The following PKIA variants were observed in gnomAD, a reference collection of about 807,000 sequenced individuals.
PKIA encodes PKI-alpha.
PKIA carries 4 observed loss-of-function variants against 7.6 expected under a neutral mutation model. That is an observed-to-expected ratio of 0.52 (90% confidence interval 0.26 to 1.20). PKIA has a LOEUF of 1.20. Among genes scored for constraint, PKIA ranks in the 50% most tolerant of loss-of-function variants. The probability of loss-of-function intolerance (pLI) is 0.13; values close to 1 mark genes in which losing one functional copy is unlikely to be tolerated. For missense variants in PKIA, 73 were observed against 86.2 expected (o/e 0.85, Z 0.61); for synonymous variants, 21 against 30.7 (o/e 0.68, Z 1.04).
chr8:78,570,267 G>A lies in PKIA; in HGVS notation c.-156-2544G>A, dbSNP rs573148523. Among the ~76,000 whole-genome samples, 205 of 152,068 alleles carry A rather than the reference G, an allele frequency of 1.3e-3. 1 individual carries two copies. The highest frequency in any genetic ancestry group is 2.5e-3 in the Non-Finnish European group (172 of 67,954). On this transcript the variant is annotated intron_variant, in intron 1 of 3. Coordinates refer to ENST00000396418, the MANE Select transcript of PKIA (RefSeq NM_006823.4). ...TGAACTTCTGAAACATAAAGAGAAAGGAAAAAAGTCTGAAAAGCAGATAGA... is the reference window on the plus strand; with the variant it reads ...TGAACTTCTGAAACATAAAGAGAAAAGAAAAAAGTCTGAAAAGCAGATAGA...
intron 1 of PKIA, among the ~76,000 whole-genome samples, chr8:78,572,192 C>G (rs1807565655): frequency 6.6e-6 from 1 of 151,994 alleles, no homozygotes; most frequent in Middle Eastern, 3.2e-3. Context: ...TTCTAAATCT[C>G]TAAGTAGTAG....
intron 3 of PKIA, among the ~76,000 whole-genome samples, chr8:78,601,294 G>C (rs1296748210): frequency 6.6e-6 from 1 of 152,032 alleles, no homozygotes; most frequent in African/African-American, 2.4e-5. Flanking sequence ...ATCATCAAGT[G>C]CTATAAAAAG....
At chr8:78,591,053 A>C (rs61521132) in intron 2 of PKIA, among the ~76,000 whole-genome samples, 8 of 152,356 alleles carry the variant, frequency 5.3e-5, no homozygotes, top group Non-Finnish European at 1.2e-4. Context: ...CATAGTATTC[A>C]GATTAAAGAG....
At chr8:78,592,040 A>T (rs767422589) in intron 2 of PKIA, among the ~76,000 whole-genome samples, 74 of 152,228 alleles carry the variant, frequency 4.9e-4, no homozygotes, top group Middle Eastern at 6.8e-3. Context: ...CAAGTCGTCT[A>T]TACAGGTATG....
At chr8:78,554,963 C>T (rs979089430) in intron 1 of PKIA, among the ~76,000 whole-genome samples, 3 of 152,024 alleles carry the variant, frequency 2.0e-5, no homozygotes, top group African/African-American at 7.2e-5. Context: ...CTACAATCCA[C>T]TTTCTGATGC....
chr8:78,601,821 A>G lies in PKIA; in HGVS notation c.231A>G (p.Ter77=), dbSNP rs867798259. ...GAGAAGCAGCAAAATCTGAAAGCTA[A>G]CACCCCACTTTGACCCTCGACCACA... ...AQGEAAKSES[*] The change falls in exon 4 of 4, where the codon TAA becomes TAG. Residue 77 remains the stop codon, a stop_retained_variant. Coordinates refer to ENST00000396418, the MANE Select transcript of PKIA (RefSeq NM_006823.4). 1.9e-6 allele frequency: 3 copies of G among 1,609,434 alleles called. No individual in the cohort carries two copies. In the Admixed American group the frequency reaches 5.0e-5, roughly 27 times the overall value.
chr8:78,592,305 C>T (rs1028422781), intron 2 of PKIA, among the ~76,000 whole-genome samples: 4 of 151,924 alleles, frequency 2.6e-5, no homozygotes, highest in African/African-American at 9.7e-5. Flanking sequence ...AGCTATTGCT[C>T]TTTTATTGGA....
chr8:78,551,054 T>C (rs1208657642), intron 1 of PKIA, among the ~76,000 whole-genome samples: 5 of 152,070 alleles, frequency 3.3e-5, no homozygotes, highest in Non-Finnish European at 1.5e-5. Context: ...GTGTTTGTAA[T>C]CTCAGGATTT....
chr8:78,590,166 G>A (rs1323503111), intron 2 of PKIA, among the ~76,000 whole-genome samples: 1 of 151,962 alleles, frequency 6.6e-6, no homozygotes, highest in Non-Finnish European at 1.5e-5. Context: ...AGACTCTTCA[G>A]ATGACATAGT....
intron 2 of PKIA, among the ~76,000 whole-genome samples, chr8:78,591,463 G>A (rs1419924247): frequency 6.6e-6 from 1 of 152,132 alleles, no homozygotes; most frequent in Non-Finnish European, 1.5e-5. Context: ...ATTATATAAA[G>A]AATTTGTAGA....
chr8:78,551,669 T>C (rs1806986458), intron 1 of PKIA, among the ~76,000 whole-genome samples: 1 of 151,946 alleles, frequency 6.6e-6, no homozygotes, highest in African/African-American at 2.4e-5. Flanking sequence ...TGGCTAATGT[T>C]TTGGGGTACC....
rs1351565643 is a variant in PKIA at position 78,601,866 on chromosome 8, T to C, written c.*45T>C. 1.4e-6 allele frequency: 2 copies of C among 1,395,060 alleles called. No individual in the cohort carries two copies. Among genetic ancestry groups the C allele is most frequent in the South Asian group, 2.3e-5 (2 of 85,442 alleles). The allele number at this position is 1,395,060 out of a possible 1,614,324, so 86.4% of individuals were successfully genotyped here. A position where few individuals can be genotyped will look rare whatever the true frequency, so the allele number is the denominator to read the frequency against. On this transcript the variant is annotated 3_prime_UTR_variant, in exon 4 of 4. Transcript: ENST00000396418. Reference sequence around the variant, plus strand: ...ACCACACCTGAAAATGTCTCAAATCTCCAGGAGTATCTGGAATGCATTTGT... The same window carrying C: ...ACCACACCTGAAAATGTCTCAAATCCCCAGGAGTATCTGGAATGCATTTGT...
At chr8:78,536,625 T>C (rs151058547) in intron 1 of PKIA, among the ~76,000 whole-genome samples, 260 of 152,118 alleles carry the variant, frequency 1.7e-3, no homozygotes, top group Non-Finnish European at 3.1e-3. Flanking sequence ...GAAGAAACAA[T>C]TGCATGAGAA....
chr8:78,531,491 G>C (rs1806384609), intron 1 of PKIA, among the ~76,000 whole-genome samples: 5 of 152,092 alleles, frequency 3.3e-5, no homozygotes, highest in Admixed American at 3.3e-4. Context: ...TAATATAACA[G>C]TTATTGTGCT....
At chr8:78,550,541 C>G (rs1417160080) in intron 1 of PKIA, among the ~76,000 whole-genome samples, 1 of 151,998 alleles carries the variant, frequency 6.6e-6, no homozygotes, top group Admixed American at 6.6e-5. Context: ...CTTGATCAAT[C>G]CAAACCTGGA....
intron 1 of PKIA, among the ~76,000 whole-genome samples, chr8:78,550,884 C>T (rs1466367458): frequency 6.6e-6 from 1 of 152,042 alleles, no homozygotes; most frequent in Non-Finnish European, 1.5e-5. Flanking sequence ...CATAGCTTAG[C>T]TCCCACTTAT....
intron 1 of PKIA, among the ~76,000 whole-genome samples, chr8:78,538,289 A>T (rs1806587189): frequency 6.6e-6 from 1 of 152,086 alleles, no homozygotes; most frequent in Non-Finnish European, 1.5e-5. Flanking sequence ...AATGAACAAC[A>T]ACCCACCTTA....
intron 2 of PKIA, among the ~76,000 whole-genome samples, chr8:78,576,874 A>G (rs1257718655): frequency 6.6e-6 from 1 of 152,094 alleles, no homozygotes; most frequent in East Asian, 1.9e-4. Flanking sequence ...ATAAAGACAC[A>G]TGCATACAAA....
At chr8:78,543,002 GATGTGCCATAGA>G (rs1483577355) in intron 1 of PKIA, among the ~76,000 whole-genome samples, 9 of 152,270 alleles carry the variant, frequency 5.9e-5, no homozygotes, top group Admixed American at 2.0e-4. Context: ...GTAGCATGAA[GATGTGCCATAGA>G]ATTAAAGCAA....
Sources: allele counts gnomAD v4.1 joint callset (sites outside exome capture counted in the v4.1 genomes callset), GRCh38; gene constraint gnomAD v4.1.1; transcripts MANE v1.5; gene names NCBI Gene and HGNC (gene_info 2026-07-23, HGNC 2026-07-21).